HOXA10: variants seen among roughly 807,000 people sequenced by gnomAD.
HOXA10 encodes the protein homeobox A10.
Under a neutral mutation model 29.7 loss-of-function variants are expected in HOXA10, and 12 were observed. The ratio of observed to expected loss-of-function variants is 0.40; its 90% CI spans 0.26 to 0.65. The LOEUF (loss-of-function observed/expected upper bound fraction) is 0.65, where lower values mean the gene tolerates loss of function less well. Among genes scored for constraint, HOXA10 ranks in the 30% least tolerant of loss-of-function variants. HOXA10 has a pLI of 0.37. For missense variants in HOXA10, 656 were observed against 585.9 expected, an observed-to-expected ratio of 1.12 and a Z score of -1.24; for synonymous variants, 327 against 280.7, an observed-to-expected ratio of 1.16 and a Z score of -1.65.
chr7:27,178,819 T>C (rs1783700537), upstream of HOXA10, among the ~76,000 whole-genome samples: 1 of 152,192 alleles, frequency 6.6e-6, no homozygotes, highest in African/African-American at 2.4e-5. Context: ...AAATTAAATA[T>C]AGGAGAAAGA....
chr7:27,172,851 C>T (rs1783536228), intron 1 of HOXA10: 1 of 165,092 alleles, frequency 6.1e-6, no homozygotes, highest in Non-Finnish European at 1.3e-5. Flanking sequence ...ATTCCCGCCC[C>T]TCAGCAACTT....
In HOXA10 at chr7:27,174,311, T is replaced by C. The variant is rs1315988034; in HGVS notation, c.-5A>G. The C allele has an allele frequency of 2.5e-6, 4 of 1,597,848 alleles. No homozygotes were observed. The highest frequency in any genetic ancestry group is 3.4e-6 in the Non-Finnish European group (4 of 1,179,736). The stretch of plus-strand genomic sequence containing the variant: ...ATAGCCCTTTCTGGCTGACATTTCT[T>C]GTGCAAAACATGCTGAATACGATTA... On this transcript the variant is annotated 5_prime_UTR_variant, in exon 1 of 2. Transcript: ENST00000283921.
upstream of HOXA10, among the ~76,000 whole-genome samples, chr7:27,178,458 C>G (rs1195922722): frequency 6.6e-6 from 1 of 152,208 alleles, no homozygotes; most frequent in Non-Finnish European, 1.5e-5. Context: ...ATGGCCCTTC[C>G]CCTGTTAGGG....
upstream of HOXA10, among the ~76,000 whole-genome samples, chr7:27,176,313 C>T (rs2115455275): frequency 6.6e-6 from 1 of 152,384 alleles, no homozygotes; most frequent in East Asian, 1.9e-4. Flanking sequence ...CTCTCCTTCG[C>T]TCTTCGCATG....
chr7:27,171,388 A>G lies in HOXA10; in HGVS notation c.*511T>C, dbSNP rs1398998062. 1 of 454,764 alleles carries G rather than the reference A, an allele frequency of 2.2e-6. No individual in the cohort carries two copies. The highest frequency in any genetic ancestry group is 2.3e-5 in the Admixed American group (1 of 42,582). The allele number at this position is 454,764 out of a possible 1,614,324, so 28.2% of individuals were successfully genotyped here. A position where few individuals can be genotyped will look rare whatever the true frequency, so the allele number is the denominator to read the frequency against. ...GGCCAAGGAAGAAAGGAAGAAAGAA[A>G]AAAGAAACCCAGGGGCCTGTATCCC... is the stretch of plus-strand genomic sequence containing the variant. On this transcript the variant is annotated 3_prime_UTR_variant, in exon 2 of 2. Transcript: ENST00000283921.
chr7:27,171,960 A>T lies in HOXA10; in HGVS notation c.1172T>A (p.Leu391Gln). Reference protein sequence around the residue: ...KIWFQNRRMKLKKMNRENRIR... With the variant: ...KIWFQNRRMKQKKMNRENRIR... ...CCGGTTTTCTCGATTCATTTTCTTC[A>T]GTTTCATCCTGCGGTTCTGAAACCA... is the stretch of plus-strand genomic sequence containing the variant. Residue 391 changes from leucine (L) to glutamine (Q), a missense_variant, in exon 2 of 2, where the codon CTG becomes CAG. Physicochemically the swap from Leu to Gln is moderately radical, Grantham distance 113. This residue lies in a region of HOXA10 where 62 missense variants were observed against 94.0 expected (regional missense o/e 0.66). Coordinates refer to ENST00000283921, the MANE Select transcript of HOXA10 (RefSeq NM_018951.4). 6.2e-7 allele frequency: 1 copy of T among 1,614,158 alleles called. No individual in the cohort carries two copies. Among genetic ancestry groups the T allele is most frequent in the East Asian group, 2.2e-5 (1 of 44,880 alleles).
At chr7:27,174,439 AG>A (rs1280957499), upstream of HOXA10, 15 of 1,456,576 alleles carry the variant, frequency 1.0e-5, no homozygotes, top group Non-Finnish European at 1.3e-5. Context: ...CCGCTCTCCG[AG>A]GGCGCCCTCA....
At chr7:27,175,737 G>A (rs938702683), upstream of HOXA10, among the ~76,000 whole-genome samples, 13 of 152,190 alleles carry the variant, frequency 8.5e-5, no homozygotes, top group Admixed American at 7.2e-4. Flanking sequence ...GATACTCTAG[G>A]CCTGCCCGCC....
At position 27,171,848 on chromosome 7, in the gene HOXA10, G is replaced by A. The variant is rs1204942596; in HGVS notation, c.*51C>T. 1 of 1,597,374 alleles carries A rather than the reference G, an allele frequency of 6.3e-7. No individual in the cohort carries two copies. The highest frequency in any genetic ancestry group is 8.6e-7 in the Non-Finnish European group (1 of 1,165,118). On this transcript the variant is annotated 3_prime_UTR_variant, in exon 2 of 2. Transcript: ENST00000283921. ...TCCTGGGCAGAGCCTGAAGACAGAG[G>A]GAGGGGACCAGCGCTCGGGAAGTGA...
rs1417104215 is a variant in HOXA10, at chr7:27,173,549, G to C, written c.758C>G (p.Pro253Arg). The C allele has an allele frequency of 8.9e-6, 13 of 1,455,428 alleles. No homozygotes were observed. In the Admixed American group the frequency reaches 3.7e-4, roughly 41 times the overall value. 90.2% of individuals were successfully genotyped at this position (1,455,428 alleles called of 1,614,324 possible). Reference sequence around the variant, plus strand: ...GGCCGAGCCGGAGGCTAGCGCGGGCGGGAGATCGAAACCGCGCCCCGGGGG... The same window carrying C: ...GGCCGAGCCGGAGGCTAGCGCGGGCCGGAGATCGAAACCGCGCCCCGGGGG... Reference protein sequence around the residue: ...AQPPGRGFDLPPALASGSADA... With the variant: ...AQPPGRGFDLRPALASGSADA... The change falls in exon 1 of 2, where the codon CCG becomes CGG. Residue 253 changes from proline to arginine, a missense_variant. This residue lies in a region of HOXA10 where 594 missense variants were observed against 491.9 expected (regional missense o/e 1.21). Transcript: ENST00000283921.
upstream of HOXA10, chr7:27,174,671 G>A (rs1783616304): frequency 3.3e-6 from 1 of 305,972 alleles, no homozygotes; most frequent in Non-Finnish European, 6.1e-6. Context: ...GGGTGTTTAT[G>A]GTGCGCGCCC....
At chr7:27,174,662 G>T (rs1783616145), upstream of HOXA10, 1 of 320,728 alleles carries the variant, frequency 3.1e-6, no homozygotes, top group Admixed American at 4.7e-5. Flanking sequence ...TAACAAGTGG[G>T]GTGTTTATGG....
At chr7:27,173,243 G>T in intron 1 of HOXA10, 106 bp downstream of exon 1, 1 of 1,543,172 alleles carries the variant, frequency 6.5e-7, no homozygotes, top group African/African-American at 1.4e-5. Context: ...TGCAGCTTGG[G>T]CCAAGGCCGG....
chr7:27,179,422 C>G (rs545018915), intron 1 of HOXA10, among the ~76,000 whole-genome samples: 1 of 151,510 alleles, frequency 6.6e-6, no homozygotes, highest in Non-Finnish European at 1.5e-5. Flanking sequence ...TCTACAAAAT[C>G]GAAAGATTCG....
At chr7:27,179,310 CTTTTT>C (rs10634973), upstream of HOXA10, among the ~76,000 whole-genome samples, 1 of 141,636 alleles carries the variant, frequency 7.1e-6, no homozygotes, top group Non-Finnish European at 1.5e-5. Flanking sequence ...CCGCGATCAC[CTTTTT>C]TTTTTTTTTT....
At chr7:27,177,912 C>T (rs528640396), upstream of HOXA10, among the ~76,000 whole-genome samples, 10 of 152,304 alleles carry the variant, frequency 6.6e-5, 1 homozygote, top group African/African-American at 2.2e-4. Context: ...GGAAATATTG[C>T]CCATTTCTAC....
In HOXA10 at chr7:27,171,933, A is replaced by G; in HGVS notation, c.1199T>C (p.Ile400Thr). 1 of 1,614,172 alleles carries G rather than the reference A, an allele frequency of 6.2e-7. No individual in the cohort carries two copies. Among genetic ancestry groups the G allele is most frequent in the Non-Finnish European group, 8.5e-7 (1 of 1,180,038 alleles). ...KLKKMNRENR[I>T]RELTANFNFS ...ATTAAAGTTGGCTGTGAGCTCCCGG[A>G]TCCGGTTTTCTCGATTCATTTTCTT... The change falls in exon 2 of 2, where the codon ATC (isoleucine) becomes ACC (threonine). Residue 400 changes from isoleucine (I) to threonine (T), a missense_variant. By Grantham distance (89) the Ile-to-Thr change is moderately conservative. Around this residue, in one of 2 missense-constraint regions of HOXA10, gnomAD observed 62 missense variants for 94.0 expected, o/e 0.66. Transcript: ENST00000283921.
In HOXA10 at chr7:27,171,945, C is replaced by T. The variant is rs768802974; in HGVS notation, c.1187G>A (p.Arg396Gln). 6.2e-7 allele frequency: 1 copy of T among 1,614,046 alleles called. No homozygotes were observed. The highest frequency in any genetic ancestry group is 8.5e-7 in the Non-Finnish European group (1 of 1,180,042). ...NRRMKLKKMN[R>Q]ENRIRELTAN... ...TGTGAGCTCCCGGATCCGGTTTTCT[C>T]GATTCATTTTCTTCAGTTTCATCCT... is the stretch of plus-strand genomic sequence containing the variant. The change falls in exon 2 of 2, where the codon CGA becomes CAA. Residue 396 changes from arginine to glutamine, a missense_variant. Physicochemically the swap from Arg to Gln is conservative, Grantham distance 43. Around this residue, in one of 2 missense-constraint regions of HOXA10, gnomAD observed 62 missense variants for 94.0 expected, o/e 0.66. Transcript: ENST00000283921.
Position 27,171,997 on chromosome 7 carries a change from G to A in HOXA10, c.1135C>T (p.Gln379Ter). 1 of 1,614,138 alleles carries A rather than the reference G, an allele frequency of 6.2e-7. No homozygotes were observed. The highest frequency in any genetic ancestry group is 8.5e-7 in the Non-Finnish European group (1 of 1,179,992). ...CGGTTCTGAAACCAGATTTTCACTTGTCTGTCCGTGAGGTGGACGCTGCGG... is the reference window on the plus strand; with the variant it reads ...CGGTTCTGAAACCAGATTTTCACTTATCTGTCCGTGAGGTGGACGCTGCGG... ...ISRSVHLTDR[Q>*]VKIWFQNRRM... The change falls in exon 2 of 2, where the codon CAA becomes TAA. Residue 379 changes from glutamine to a stop codon, truncating the protein, a stop_gained. Coordinates refer to ENST00000283921, the MANE Select transcript of HOXA10 (RefSeq NM_018951.4). LOFTEE classifies it high-confidence loss of function.
Sources: gnomAD v4.1 joint callset for allele counts (sites outside exome capture counted in the v4.1 genomes callset) on GRCh38, gnomAD v4.1.1 for gene constraint, gnomAD v4.1.1 regional missense constraint, MANE v1.5 for transcripts, NCBI Gene and HGNC (gene_info 2026-07-23, HGNC 2026-07-21) for gene names.